HIVEP1: variants seen among roughly 807,000 people sequenced by gnomAD.
The protein encoded by HIVEP1 is zinc finger protein 40.
In HIVEP1, 36 loss-of-function variants were observed where a neutral mutation model predicts 180.0. The observed-to-expected ratio is 0.20, with a 90% CI of 0.15 to 0.26. HIVEP1 has a LOEUF of 0.26. Among genes scored for constraint, HIVEP1 ranks in the 10% least tolerant of loss-of-function variants. The pLI is 1.00. For missense variants in HIVEP1, 3,143 were observed against 3,268.7 expected, an observed-to-expected ratio of 0.96 and a Z score of 0.94; for synonymous variants, 1,239 against 1,239.0, an observed-to-expected ratio of 1.00 and a Z score of 0.00.
chr6:12,096,807 C>T (rs1773809253), intron 3 of HIVEP1, among the ~76,000 whole-genome samples: 1 of 151,818 alleles, frequency 6.6e-6, no homozygotes, highest in Admixed American at 6.5e-5. Context: ...TGACAAAGTC[C>T]TTCCCATGTA....
At chr6:12,091,532 A>G (rs1773475214) in intron 3 of HIVEP1, among the ~76,000 whole-genome samples, 1 of 152,118 alleles carries the variant, frequency 6.6e-6, no homozygotes, top group Admixed American at 6.5e-5. Flanking sequence ...CAACTTCCTC[A>G]TTAATAGATT....
chr6:12,188,894 ATTCTGAAG>A, the HIVEP1 span, among the ~76,000 whole-genome samples: 4 of 152,042 alleles, frequency 2.6e-5, no homozygotes. Flanking sequence ...AAACAAATAA[ATTCTGAAG>A]AAAGATTAAT....
chr6:12,177,756 G>A, the HIVEP1 span, among the ~76,000 whole-genome samples: 2 of 152,108 alleles, frequency 1.3e-5, no homozygotes, highest in Non-Finnish European at 2.9e-5. Context: ...AGTGATAGGG[G>A]AATTTTTGTG....
At chr6:12,211,141 T>C in the HIVEP1 span, among the ~76,000 whole-genome samples, 1 of 150,440 alleles carries the variant, frequency 6.6e-6, no homozygotes, top group Admixed American at 6.6e-5. Flanking sequence ...GGCTCACGCC[T>C]GTGATCCCAG....
In HIVEP1 at chr6:12,163,524, T is replaced by C; in HGVS notation, c.7220T>C (p.Val2407Ala). 1 of 1,614,196 alleles carries C rather than the reference T, an allele frequency of 6.2e-7. No homozygotes were observed. The highest frequency in any genetic ancestry group is 8.5e-7 in the Non-Finnish European group (1 of 1,180,022). The change falls in exon 9 of 9, where the codon GTA (valine) becomes GCA (alanine). Residue 2407 changes from valine (V) to alanine (A), a missense_variant. This residue lies in a region of HIVEP1 where 595 missense variants were observed against 602.2 expected (regional missense o/e 0.99). Coordinates refer to ENST00000379388, the MANE Select transcript of HIVEP1 (RefSeq NM_002114.4). Reference sequence around the variant, plus strand: ...GTTCCAGTTGGGGGGATCCATGTGGTACCTGCTGGCCTCACATACTCCACG... The same window carrying C: ...GTTCCAGTTGGGGGGATCCATGTGGCACCTGCTGGCCTCACATACTCCACG... ...NMVPVGGIHVVPAGLTYSTFV... is the reference protein window; with the variant it reads ...NMVPVGGIHVAPAGLTYSTFV...
Position 12,091,219 on chromosome 6 carries a change from G to T in HIVEP1, c.94+1982G>T, listed in dbSNP as rs534945564. 3.0e-4 allele frequency among the ~76,000 whole-genome samples: 46 copies of T among 152,018 alleles called. No individual in the cohort carries two copies. In the South Asian group the frequency reaches 8.7e-3, roughly 29 times the overall value. ...AAGGATATTCATTTCTTCCATCAAA[G>T]AATATACTTTAAAAATATAGACGTT... is the stretch of plus-strand genomic sequence containing the variant. On this transcript the variant is annotated intron_variant, in intron 3 of 8. Coordinates refer to ENST00000379388, the MANE Select transcript of HIVEP1 (RefSeq NM_002114.4).
intron 6 of HIVEP1, among the ~76,000 whole-genome samples, chr6:12,131,482 T>G (rs1758413602): frequency 6.6e-6 from 1 of 151,942 alleles, no homozygotes; most frequent in Middle Eastern, 3.4e-3. Context: ...TTCTATAGTT[T>G]CTATTAATGT....
Position 12,120,577 on chromosome 6 carries a change from CA to C in HIVEP1, c.783del (p.Tyr262ThrfsTer50). 6.2e-7 allele frequency: 1 copy of C among 1,614,158 alleles called. No homozygotes were observed. Among genetic ancestry groups the C allele is most frequent in the Non-Finnish European group, 8.5e-7 (1 of 1,179,998 alleles). Reference sequence around the variant, plus strand: ...GCTGAATCACAGTCTTCTTGTACCTCATACACAGTCCATATGTCTGCTGCTC... The same window carrying C: ...GCTGAATCACAGTCTTCTTGTACCTCTACACAGTCCATATGTCTGCTGCTC... Reference protein sequence around the residue: ...LVAESQSSCTSYTVHMSAAQK... With the variant: ...LVAESQSSCTXYTVHMSAAQK... On this transcript the variant is annotated frameshift_variant, in exon 4 of 9. Coordinates refer to ENST00000379388, the MANE Select transcript of HIVEP1 (RefSeq NM_002114.4). LOFTEE classifies it high-confidence loss of function.
intron 7 of HIVEP1, among the ~76,000 whole-genome samples, chr6:12,140,763 G>A (rs1045824632): frequency 2.0e-5 from 3 of 152,172 alleles, no homozygotes; most frequent in Admixed American, 2.0e-4. Flanking sequence ...GGAAGAAAGG[G>A]TATCAGTGAT....
At chr6:12,019,861 A>T (rs1768071709) in intron 2 of HIVEP1, among the ~76,000 whole-genome samples, 1 of 152,202 alleles carries the variant, frequency 6.6e-6, no homozygotes, top group Non-Finnish European at 1.5e-5. Flanking sequence ...TTACTTGGGG[A>T]AAAATACGTA....
At chr6:12,139,072 A>T (rs1360805402) in intron 7 of HIVEP1, among the ~76,000 whole-genome samples, 1 of 151,842 alleles carries the variant, frequency 6.6e-6, no homozygotes, top group African/African-American at 2.4e-5. Context: ...CTGTTCCTTT[A>T]CAGACTATCT....
At chr6:12,054,686 AGTTT>A (rs1233445323) in intron 2 of HIVEP1, among the ~76,000 whole-genome samples, 2 of 152,156 alleles carry the variant, frequency 1.3e-5, no homozygotes, top group Admixed American at 6.5e-5. Context: ...TGCTGTTATT[AGTTT>A]GTTTCCATTT....
intron 7 of HIVEP1, among the ~76,000 whole-genome samples, chr6:12,160,345 T>A (rs1372956977): frequency 7.2e-5 from 11 of 152,212 alleles, no homozygotes; most frequent in Admixed American, 7.2e-4. Context: ...CCCCTTTCTA[T>A]GAGGAATGGG....
At chr6:12,052,587 C>T (rs1265045831) in intron 2 of HIVEP1, among the ~76,000 whole-genome samples, 1 of 152,168 alleles carries the variant, frequency 6.6e-6, no homozygotes, top group Non-Finnish European at 1.5e-5. Flanking sequence ...GGAATTAAAA[C>T]TATCTTATGA....
chr6:12,156,620 G>T (rs1760070540), intron 7 of HIVEP1, among the ~76,000 whole-genome samples: 1 of 151,952 alleles, frequency 6.6e-6, no homozygotes, highest in African/African-American at 2.4e-5. Context: ...TCATGCATGT[G>T]TTCTTTAATT....
At chr6:12,056,933 C>T (rs1419705767) in intron 2 of HIVEP1, among the ~76,000 whole-genome samples, 1 of 151,792 alleles carries the variant, frequency 6.6e-6, no homozygotes, top group African/African-American at 2.4e-5. Flanking sequence ...GCCTCCTGAG[C>T]TCAAGTGATC....
At chr6:12,205,108 C>T in the HIVEP1 span, among the ~76,000 whole-genome samples, 1 of 152,074 alleles carries the variant, frequency 6.6e-6, no homozygotes, top group South Asian at 2.1e-4. Context: ...GGTGATGTCT[C>T]CTACAGTTTC....
rs565512614 is a variant in HIVEP1 at position 12,019,412 on chromosome 6, T to C, written c.40+3744T>C. On this transcript the variant is annotated intron_variant, in intron 2 of 8. Transcript: ENST00000379388. ...TTTTGAGCGTATCTTTAATATCTCA[T>C]TGTGACAGTTTGGAATATCAGGTTT... Among the ~76,000 whole-genome samples, 5 of 152,330 alleles carry C rather than the reference T, an allele frequency of 3.3e-5. No individual in the cohort carries two copies. In the East Asian group the frequency reaches 9.6e-4, roughly 29 times the overall value.
chr6:12,089,338 T>C (rs867256394), intron 3 of HIVEP1, 101 bp downstream of exon 3: 13 of 638,916 alleles, frequency 2.0e-5, no homozygotes, highest in East Asian at 1.7e-4. Flanking sequence ...TATAGACATA[T>C]CACAAAATTA....
Sources: allele counts gnomAD v4.1 joint callset (sites outside exome capture counted in the v4.1 genomes callset), GRCh38; gene constraint gnomAD v4.1.1; regional missense constraint gnomAD v4.1.1; transcripts MANE v1.5; gene names NCBI Gene and HGNC (gene_info 2026-07-23, HGNC 2026-07-21).